Variants in ENTREP2 observed in about 807,000 individuals in gnomAD.
ENTREP2 encodes the protein endosomal transmembrane epsin interactor 2.
the ENTREP2 span, among the ~76,000 whole-genome samples, chr15:29,525,067 G>A: frequency 6.6e-6 from 1 of 152,198 alleles, no homozygotes; most frequent in African/African-American, 2.4e-5. Flanking sequence ...TACAAGCCCC[G>A]TGTTTAAAGG....
At chr15:29,159,121 G>A in the ENTREP2 span, among the ~76,000 whole-genome samples, 5 of 152,190 alleles carry the variant, frequency 3.3e-5, no homozygotes, top group African/African-American at 1.2e-4. Context: ...CTCGCGCTGA[G>A]TGTTACAGCT....
At chr15:29,405,982 C>G in the ENTREP2 span, among the ~76,000 whole-genome samples, 7 of 152,312 alleles carry the variant, frequency 4.6e-5, no homozygotes, top group Middle Eastern at 0.01. Flanking sequence ...AATAATGAAA[C>G]CATCTACATT....
chr15:29,458,237 C>A, the ENTREP2 span, among the ~76,000 whole-genome samples: 1 of 152,098 alleles, frequency 6.6e-6, no homozygotes, highest in Non-Finnish European at 1.5e-5. Context: ...GTAGAGACAG[C>A]AAATTTGCCC....
the ENTREP2 span, among the ~76,000 whole-genome samples, chr15:29,236,637 A>C: frequency 6.6e-6 from 1 of 152,226 alleles, no homozygotes; most frequent in Non-Finnish European, 1.5e-5. Flanking sequence ...TGACAGAGCA[A>C]GATCCTGTCT....
chr15:29,192,452 G>A, the ENTREP2 span, among the ~76,000 whole-genome samples: 1 of 152,290 alleles, frequency 6.6e-6, no homozygotes, highest in South Asian at 2.1e-4. Context: ...ACAACAAGAA[G>A]AAGACATTGG....
chr15:29,540,115 T>A, the ENTREP2 span, among the ~76,000 whole-genome samples: 13,688 of 152,174 alleles, frequency 0.09, 2,029 homozygotes, highest in African/African-American at 0.31. Flanking sequence ...CCAGCCTTTC[T>A]GGGACCCTTA....
chr15:29,255,198 G>A, the ENTREP2 span, among the ~76,000 whole-genome samples: 1 of 152,170 alleles, frequency 6.6e-6, no homozygotes. Context: ...ATGGTATTCA[G>A]ATACCATAAT....
At chr15:29,271,868 C>CAA in the ENTREP2 span, among the ~76,000 whole-genome samples, 3 of 152,002 alleles carry the variant, frequency 2.0e-5, no homozygotes, top group African/African-American at 4.8e-5. Flanking sequence ...TGCTACAGTG[C>CAA]CTTGAGTCAA....
At chr15:29,516,968 CAAAAAAAAA>C in the ENTREP2 span, among the ~76,000 whole-genome samples, 1 of 88,660 alleles carries the variant, frequency 1.1e-5, no homozygotes, top group Non-Finnish European at 2.2e-5. Context: ...AATTATGAGC[CAAAAAAAAA>C]AAAAAAAAAA....
the ENTREP2 span, among the ~76,000 whole-genome samples, chr15:29,539,233 C>T: frequency 7.6e-6 from 1 of 131,882 alleles, no homozygotes; most frequent in Admixed American, 8.7e-5. Flanking sequence ...CAGCATCCAC[C>T]AGAGTGTCAG....
At chr15:29,496,162 G>C in the ENTREP2 span, among the ~76,000 whole-genome samples, 1 of 151,408 alleles carries the variant, frequency 6.6e-6, no homozygotes, top group Non-Finnish European at 1.5e-5. Flanking sequence ...TGATGCTATT[G>C]TAAATCAGAC....
the ENTREP2 span, among the ~76,000 whole-genome samples, chr15:29,134,490 G>A: frequency 7.2e-5 from 11 of 152,162 alleles, no homozygotes; most frequent in Admixed American, 1.3e-4. Flanking sequence ...CGGGCCAGCC[G>A]GAAGCTGATC....
At chr15:29,522,077 G>A in the ENTREP2 span, among the ~76,000 whole-genome samples, 2 of 152,076 alleles carry the variant, frequency 1.3e-5, no homozygotes, top group African/African-American at 4.8e-5. Context: ...ATCCATCTGG[G>A]GAAAAGATGA....
chr15:29,292,981 G>A, the ENTREP2 span, among the ~76,000 whole-genome samples: 6 of 152,184 alleles, frequency 3.9e-5, no homozygotes, highest in Non-Finnish European at 5.9e-5. Flanking sequence ...GCACAATGCT[G>A]CATTCTCTAC....
At chr15:29,242,899 A>G in the ENTREP2 span, among the ~76,000 whole-genome samples, 6 of 152,268 alleles carry the variant, frequency 3.9e-5, no homozygotes, top group South Asian at 6.2e-4. Flanking sequence ...AGCTGGGAGG[A>G]AGAACAGCTG....
chr15:29,464,776 G>A, the ENTREP2 span, among the ~76,000 whole-genome samples: 1 of 152,144 alleles, frequency 6.6e-6, no homozygotes, highest in African/African-American at 2.4e-5. Context: ...GAAACAGCAG[G>A]AGCAGTTGGT....
the ENTREP2 span, among the ~76,000 whole-genome samples, chr15:29,442,943 C>T: frequency 1.2e-4 from 18 of 152,304 alleles, no homozygotes; most frequent in Middle Eastern, 3.4e-3. Context: ...TGTCAGGGCA[C>T]AGCCTCAGTC....
chr15:29,270,654 A>G, the ENTREP2 span, among the ~76,000 whole-genome samples: 2 of 89,562 alleles, frequency 2.2e-5, no homozygotes, highest in Non-Finnish European at 3.6e-5. Context: ...AGCTTTGAGG[A>G]AAAAAAAGAG....
the ENTREP2 span, among the ~76,000 whole-genome samples, chr15:29,237,190 T>C: frequency 6.6e-6 from 1 of 152,236 alleles, no homozygotes; most frequent in Non-Finnish European, 1.5e-5. Context: ...CATTTTCTAA[T>C]TGGCTTGTTT....
Sources: gnomAD v4.1 joint callset for allele counts (sites outside exome capture counted in the v4.1 genomes callset) on GRCh38, gnomAD v4.1.1 for gene constraint, MANE v1.5 for transcripts, NCBI Gene and HGNC (gene_info 2026-07-23, HGNC 2026-07-21) for gene names.